The following HS3ST4 variants were observed in gnomAD, a reference collection of about 807,000 sequenced individuals.
HS3ST4 encodes heparan sulfate-glucosamine 3-sulfotransferase 4, also known as heparan sulfate glucosamine 3-O-sulfotransferase 4.
A neutral mutation model predicts 29.2 loss-of-function variants in HS3ST4; 17 were observed. The ratio of observed to expected loss-of-function variants is 0.58; its 90% CI spans 0.40 to 0.87. The LOEUF (loss-of-function observed/expected upper bound fraction) is 0.87, where lower values mean the gene tolerates loss of function less well. Among genes scored for constraint, HS3ST4 ranks in the 40% least tolerant of loss-of-function variants. HS3ST4 has a pLI of 0.00. For missense variants in HS3ST4, 627 were observed against 634.5 expected (o/e 0.99, Z 0.13); for synonymous variants, 314 against 285.7 (o/e 1.10, Z -1.00).
intron 1 of HS3ST4, among the ~76,000 whole-genome samples, chr16:25,896,783 G>A (rs993565043): frequency 6.6e-6 from 1 of 152,152 alleles, no homozygotes; most frequent in Non-Finnish European, 1.5e-5. Flanking sequence ...TAAAGAAAAT[G>A]TGGTACATAT....
intron 1 of HS3ST4, among the ~76,000 whole-genome samples, chr16:25,698,291 T>C (rs1334396166): frequency 6.6e-6 from 1 of 151,990 alleles, no homozygotes; most frequent in African/African-American, 2.4e-5. Flanking sequence ...GTGATGTAAA[T>C]GGAGTAACAG....
At chr16:25,774,257 C>T (rs992048009) in intron 1 of HS3ST4, among the ~76,000 whole-genome samples, 4 of 152,216 alleles carry the variant, frequency 2.6e-5, no homozygotes, top group Admixed American at 1.3e-4. Context: ...TGGATGGTTT[C>T]GCAGTTTGGG....
At chr16:26,041,298 G>T (rs1013913782) in intron 1 of HS3ST4, among the ~76,000 whole-genome samples, 9 of 152,062 alleles carry the variant, frequency 5.9e-5, no homozygotes, top group Non-Finnish European at 1.3e-4. Flanking sequence ...CTATGATCAT[G>T]CACTGCACTC....
intron 1 of HS3ST4, among the ~76,000 whole-genome samples, chr16:25,804,700 G>A (rs1966973116): frequency 6.6e-6 from 1 of 151,854 alleles, no homozygotes; most frequent in Admixed American, 6.6e-5. Context: ...TTTATCCTTG[G>A]ATGTCATATA....
chr16:25,836,105 G>A (rs1967353590), intron 1 of HS3ST4, among the ~76,000 whole-genome samples: 1 of 152,122 alleles, frequency 6.6e-6, no homozygotes, highest in Non-Finnish European at 1.5e-5. Context: ...CCTACAAAAC[G>A]GAAGGGCATG....
chr16:25,766,930 A>G (rs1966823792), intron 1 of HS3ST4, among the ~76,000 whole-genome samples: 1 of 152,206 alleles, frequency 6.6e-6, no homozygotes, highest in African/African-American at 2.4e-5. Flanking sequence ...TAGTCTGGGC[A>G]AGAGCCTCCC....
intron 1 of HS3ST4, among the ~76,000 whole-genome samples, chr16:25,857,952 C>CTTTCTTTCTT (rs1967597041): frequency 1.9e-5 from 1 of 53,858 alleles, no homozygotes; most frequent in Admixed American, 1.9e-4. Context: ...TTCTTTCTTT[C>CTTTCTTTCTT]TTTCTTTCTT....
At chr16:26,092,416 A>G (rs1254748918) in intron 1 of HS3ST4, among the ~76,000 whole-genome samples, 1 of 152,084 alleles carries the variant, frequency 6.6e-6, no homozygotes, top group Non-Finnish European at 1.5e-5. Flanking sequence ...CCACTGCCCA[A>G]AGGTGTATAC....
intron 1 of HS3ST4, among the ~76,000 whole-genome samples, chr16:26,112,787 T>G (rs1333050653): frequency 6.6e-6 from 1 of 152,090 alleles, no homozygotes; most frequent in Non-Finnish European, 1.5e-5. Flanking sequence ...TCTCTTAAAT[T>G]CAGGGAAATT....
chr16:25,811,684 C>T lies in HS3ST4; in HGVS notation c.734+118533C>T, dbSNP rs549267067. On this transcript the variant is annotated intron_variant, in intron 1 of 1. Coordinates refer to ENST00000331351, the MANE Select transcript of HS3ST4 (RefSeq NM_006040.3). The stretch of plus-strand genomic sequence containing the variant: ...CCAACCTCAGGTGATACCCCCGCCT[C>T]GGCCTCCCAAAGTGCTGGGATTACA... 9.5e-4 allele frequency among the ~76,000 whole-genome samples: 145 copies of T among 152,206 alleles called. 1 individual carries two copies. The highest frequency in any genetic ancestry group is 3.4e-3 in the African/African-American group (140 of 41,544).
chr16:25,738,590 C>T (rs904547375), intron 1 of HS3ST4, among the ~76,000 whole-genome samples: 2 of 152,160 alleles, frequency 1.3e-5, no homozygotes, highest in African/African-American at 4.8e-5. Context: ...ATGCTCAGGA[C>T]AGACCCACAC....
intron 1 of HS3ST4, among the ~76,000 whole-genome samples, chr16:26,090,887 G>C (rs1451422660): frequency 6.6e-6 from 1 of 152,152 alleles, no homozygotes; most frequent in Non-Finnish European, 1.5e-5. Context: ...GTGGGAGAAT[G>C]AGGTGCATGC....
chr16:25,803,887 T>C (rs1460830420), intron 1 of HS3ST4, among the ~76,000 whole-genome samples: 1 of 152,136 alleles, frequency 6.6e-6, no homozygotes, highest in Non-Finnish European at 1.5e-5. Context: ...AGTGCTTTAT[T>C]TTCCCTTTCT....
At chr16:25,891,748 A>T (rs529479479) in intron 1 of HS3ST4, among the ~76,000 whole-genome samples, 7 of 151,992 alleles carry the variant, frequency 4.6e-5, no homozygotes, top group African/African-American at 1.7e-4. Flanking sequence ...ATCTTTGGGG[A>T]CTCTAGTCTG....
intron 1 of HS3ST4, among the ~76,000 whole-genome samples, chr16:25,964,756 C>T (rs181921367): frequency 6.6e-6 from 1 of 152,278 alleles, no homozygotes; most frequent in East Asian, 1.9e-4. Context: ...AACATTTCCT[C>T]ATCAGTTCAA....
intron 1 of HS3ST4, among the ~76,000 whole-genome samples, chr16:25,837,904 G>A (rs990138224): frequency 8.5e-5 from 13 of 152,220 alleles, no homozygotes; most frequent in African/African-American, 2.9e-4. Flanking sequence ...CATAGTACCC[G>A]AAAGGTAGTT....
intron 1 of HS3ST4, among the ~76,000 whole-genome samples, chr16:25,705,679 A>T (rs1966371524): frequency 6.6e-6 from 1 of 152,166 alleles, no homozygotes. Flanking sequence ...AAATAAAAAT[A>T]AAAATAATTG....
intron 1 of HS3ST4, among the ~76,000 whole-genome samples, chr16:25,842,793 G>C (rs1420441471): frequency 6.6e-6 from 1 of 152,162 alleles, no homozygotes; most frequent in Non-Finnish European, 1.5e-5. Context: ...GGGTGAGTGA[G>C]TGTGCAGATG....
chr16:26,046,145 ATTTTTTTTTT>A lies in HS3ST4; in HGVS notation c.735-89453_735-89444del, dbSNP rs146624042. Among the ~76,000 whole-genome samples the A allele has an allele frequency of 3.5e-5, 4 of 114,640 alleles. No individual in the cohort carries two copies. The East Asian group carries it at 9.7e-4, about 28-fold the overall frequency. The allele number at this position is 114,640 out of a possible 152,430, so 75.2% of individuals were successfully genotyped here. A position where few individuals can be genotyped will look rare whatever the true frequency, so the allele number is the denominator to read the frequency against. On this transcript the variant is annotated intron_variant, in intron 1 of 1. Coordinates refer to ENST00000331351, the MANE Select transcript of HS3ST4 (RefSeq NM_006040.3). ...ATATTTCCTCATGTAAGGACAGGAA[ATTTTTTTTTT>A]TTTTTTTTTTTTTGAGACAGAGTAT...
Sources: allele counts gnomAD v4.1 joint callset (sites outside exome capture counted in the v4.1 genomes callset), GRCh38; gene constraint gnomAD v4.1.1; transcripts MANE v1.5; gene names NCBI Gene and HGNC (gene_info 2026-07-23, HGNC 2026-07-21).